The following ZNF383 variants were observed in gnomAD, a reference collection of about 807,000 sequenced individuals.
The protein encoded by ZNF383 is zinc finger protein 383.
ZNF383 carries 32 observed loss-of-function variants against 44.2 expected under a neutral mutation model. The observed-to-expected ratio is 0.72, with a 90% confidence interval of 0.55 to 0.97. The LOEUF (loss-of-function observed/expected upper bound fraction) is 0.97. Ranked by LOEUF, ZNF383 falls within the 50% of genes least tolerant of loss-of-function variation. ZNF383 has a pLI of 0.00. For synonymous variants in ZNF383, 155 were observed against 186.2 expected (o/e 0.83, Z 1.36); for missense variants, 487 against 562.5 (o/e 0.87, Z 1.36).
chr19:37,240,918 T>G (rs1974054445), intron 5 of ZNF383, among the ~76,000 whole-genome samples: 1 of 152,108 alleles, frequency 6.6e-6, no homozygotes, highest in African/African-American at 2.4e-5. Context: ...GCAGTTCTTC[T>G]GCCTCAGCCT....
intron 3 of ZNF383, among the ~76,000 whole-genome samples, chr19:37,233,857 T>A (rs956326430): frequency 2.6e-5 from 4 of 152,096 alleles, no homozygotes; most frequent in South Asian, 2.1e-4. Context: ...TTTATTTTTT[T>A]AAAATTTTAT....
rs1304253954 is a variant in ZNF383, at chr19:37,235,663, C to G, written c.124C>G (p.Leu42Val). The G allele has an allele frequency of 6.2e-7, 1 of 1,610,394 alleles. No homozygotes were observed. The highest frequency in any genetic ancestry group is 8.5e-7 in the Non-Finnish European group (1 of 1,178,274). Reference protein sequence around the residue: ...RDVMLENYGNLVSMGLYTPKP... With the variant: ...RDVMLENYGNVVSMGLYTPKP... ...TGTGATGTTGGAGAACTACGGCAAT[C>G]TGGTTTCAATGGGTAAGGGCATCTG... Residue 42 changes from leucine (L) to valine (V), a missense_variant, in exon 4 of 6, where the codon CTG becomes GTG. Physicochemically the swap from Leu to Val is conservative, Grantham distance 32 (BLOSUM62 1). Coordinates refer to ENST00000684119, the MANE Select transcript of ZNF383 (RefSeq NM_001387601.1).
intron 1 of ZNF383, among the ~76,000 whole-genome samples, chr19:37,220,374 C>G (rs1315125611): frequency 6.6e-6 from 1 of 152,176 alleles, no homozygotes; most frequent in Non-Finnish European, 1.5e-5. Context: ...AAGCAATTCT[C>G]CCGCTCCAGC....
In ZNF383 at chr19:37,242,862, G is replaced by A; in HGVS notation, c.626G>A (p.Cys209Tyr). ...ECKECGKFFS[C>Y]GSHVTRHLKI... is the part of the protein sequence containing the mutation. ...AAAGAGTGTGGGAAATTCTTTAGTT[G>A]TGGTTCACATGTTACTCGGCATCTG... The change falls in exon 6 of 6, where the codon TGT becomes TAT. Residue 209 changes from cysteine to tyrosine, a missense_variant. By Grantham distance (194) the Cys-to-Tyr change is radical (BLOSUM62 -2). Coordinates refer to ENST00000684119, the MANE Select transcript of ZNF383 (RefSeq NM_001387601.1). The A allele has an allele frequency of 6.2e-7, 1 of 1,613,966 alleles. No homozygotes were observed. Among genetic ancestry groups the A allele is most frequent in the Non-Finnish European group, 8.5e-7 (1 of 1,179,926 alleles).
rs1974255993 is a variant in ZNF383 at position 37,243,717 on chromosome 19, C to G, written c.*53C>G. The G allele has an allele frequency of 1.6e-6, 2 of 1,221,836 alleles. No homozygotes were observed. The highest frequency in any genetic ancestry group is 1.8e-5 in the South Asian group (1 of 56,112). 75.7% of individuals were successfully genotyped at this position (1,221,836 alleles called of 1,614,324 possible). On this transcript the variant is annotated 3_prime_UTR_variant, in exon 6 of 6. Coordinates refer to ENST00000684119, the MANE Select transcript of ZNF383 (RefSeq NM_001387601.1). ...TCATATTTTAAACCAAAAATCATGT[C>G]TAATAGTTACCCTCTTCCGTAGTTT...
chr19:37,233,175 G>T (rs1388003843), intron 3 of ZNF383, among the ~76,000 whole-genome samples: 1 of 152,028 alleles, frequency 6.6e-6, no homozygotes, highest in Non-Finnish European at 1.5e-5. Flanking sequence ...CTGTCGCCCA[G>T]GCTGGAGTGC....
chr19:37,218,622 C>G (rs914887270), intron 1 of ZNF383, among the ~76,000 whole-genome samples: 1 of 151,954 alleles, frequency 6.6e-6, no homozygotes, highest in African/African-American at 2.4e-5. Flanking sequence ...GAGGCTGTGA[C>G]TGTGTGTTAG....
chr19:37,245,065 G>A lies in ZNF383; in HGVS notation c.*1401G>A, dbSNP rs902106961. 2 of 152,150 alleles carry A rather than the reference G, an allele frequency of 1.3e-5. No homozygotes were observed. The highest frequency in any genetic ancestry group is 2.4e-5 in the African/African-American group (1 of 41,440). 9.4% of individuals were successfully genotyped at this position (152,150 alleles called of 1,614,324 possible). A position where few individuals can be genotyped will look rare whatever the true frequency, so the allele number is the denominator to read the frequency against. On this transcript the variant is annotated 3_prime_UTR_variant, in exon 6 of 6. Coordinates refer to ENST00000684119, the MANE Select transcript of ZNF383 (RefSeq NM_001387601.1). ...CCCAGCACTTTGGGAGGCCGAGGTG[G>A]GCGGATCACAAGGTCTGAAGATTAA...
Position 37,242,601 on chromosome 19 carries a change from A to G in ZNF383, c.365A>G (p.Glu122Gly), listed in dbSNP as rs1370322276. 6.2e-7 allele frequency: 1 copy of G among 1,613,944 alleles called. No individual in the cohort carries two copies. Among genetic ancestry groups the G allele is most frequent in the Non-Finnish European group, 8.5e-7 (1 of 1,179,976 alleles). ...TACTCCAGTTTTGGAGATGTTTTGG[A>G]ATATAGAAGCCACCTTGCAAAACAA... ...LEYSSFGDVL[E>G]YRSHLAKQLG... is the part of the protein sequence containing the mutation. The change falls in exon 6 of 6, where the codon GAA becomes GGA. Residue 122 changes from glutamate to glycine, a missense_variant. By Grantham distance (98) the Glu-to-Gly change is moderately conservative. Coordinates refer to ENST00000684119, the MANE Select transcript of ZNF383 (RefSeq NM_001387601.1).
intron 5 of ZNF383, among the ~76,000 whole-genome samples, chr19:37,239,296 T>C (rs1252055082): frequency 6.6e-6 from 1 of 151,732 alleles, no homozygotes; most frequent in Non-Finnish European, 1.5e-5. Flanking sequence ...GGACAAACCA[T>C]AGTAGCAGTA....
chr19:37,221,716 A>C (rs1455359906), intron 1 of ZNF383, among the ~76,000 whole-genome samples: 1 of 151,852 alleles, frequency 6.6e-6, no homozygotes, highest in African/African-American at 2.4e-5. Flanking sequence ...TGGGAGGCCA[A>C]GGCAGGCAGA....
rs183521972 is a variant in ZNF383, at chr19:37,233,723, G to A, written c.10-1826G>A. 3.5e-3 allele frequency among the ~76,000 whole-genome samples: 524 copies of A among 151,274 alleles called. 1 individual carries two copies. The highest frequency in any genetic ancestry group is 5.9e-3 in the Non-Finnish European group (400 of 67,770). Reference sequence around the variant, plus strand: ...GATTACCAGTGTGAGCCACCACACCGGGCCTGGGATTTGTTTTTAATCCTA... The same window carrying A: ...GATTACCAGTGTGAGCCACCACACCAGGCCTGGGATTTGTTTTTAATCCTA... On this transcript the variant is annotated intron_variant, in intron 3 of 5. Transcript: ENST00000684119.
intron 3 of ZNF383, among the ~76,000 whole-genome samples, chr19:37,234,380 CTTTTA>C (rs1233331989): frequency 2.0e-5 from 3 of 151,820 alleles, no homozygotes; most frequent in East Asian, 1.9e-4. Context: ...CTTAAGACAA[CTTTTA>C]TTTTATTTTA....
intron 5 of ZNF383, among the ~76,000 whole-genome samples, chr19:37,241,909 C>T (rs2145540537): frequency 6.7e-6 from 1 of 149,010 alleles, no homozygotes; most frequent in African/African-American, 2.5e-5. Flanking sequence ...CTCTTATGTA[C>T]ACACGCATAC....
chr19:37,234,065 T>C (rs1257217983), intron 3 of ZNF383, among the ~76,000 whole-genome samples: 1 of 151,920 alleles, frequency 6.6e-6, no homozygotes, highest in Non-Finnish European at 1.5e-5. Flanking sequence ...GGTTTCTCCA[T>C]GTTGGTCAGG....
intron 3 of ZNF383, among the ~76,000 whole-genome samples, chr19:37,234,888 T>C (rs990994058): frequency 6.6e-6 from 1 of 152,226 alleles, no homozygotes; most frequent in African/African-American, 2.4e-5. Context: ...ACTCATCCTG[T>C]GCATTTTGTA....
intron 5 of ZNF383, among the ~76,000 whole-genome samples, chr19:37,242,058 A>AGTATCGATACTATATATAGTATAGATG (rs1974125374): frequency 5.8e-3 from 1 of 172 alleles, no homozygotes; most frequent in Admixed American, 0.071. Flanking sequence ...TACTATATAT[A>AGTATCGATACTATATATAGTATAGATG]CTATATAGAT....
In ZNF383 at chr19:37,230,475, T is replaced by G; in HGVS notation, c.9+13T>G. The G allele has an allele frequency of 2.5e-6, 4 of 1,612,046 alleles. No homozygotes were observed. Among genetic ancestry groups the G allele is most frequent in the Non-Finnish European group, 3.4e-6 (4 of 1,179,546 alleles). ...AGCCATGGCTGAGGTGAGTTGATGC[T>G]TTTTCTTGCCTTCCTGACATTTAGT... On this transcript the variant is annotated intron_variant, in intron 3 of 5. Coordinates refer to ENST00000684119, the MANE Select transcript of ZNF383 (RefSeq NM_001387601.1).
intron 5 of ZNF383, among the ~76,000 whole-genome samples, chr19:37,240,110 G>A (rs993287997): frequency 6.7e-6 from 1 of 148,946 alleles, no homozygotes; most frequent in Non-Finnish European, 1.5e-5. Flanking sequence ...AGTGAGCCGA[G>A]ATCACACCAC....
Sources: allele counts gnomAD v4.1 joint callset (sites outside exome capture counted in the v4.1 genomes callset), GRCh38; gene constraint gnomAD v4.1.1; transcripts MANE v1.5; gene names NCBI Gene and HGNC (gene_info 2026-07-23, HGNC 2026-07-21).